The following PLCE1 variants were observed in gnomAD, a reference collection of about 807,000 sequenced individuals.
PLCE1 encodes phospholipase C epsilon 1.
In PLCE1, 119 loss-of-function variants were observed where a neutral mutation model predicts 242.8. The observed-to-expected ratio is 0.49, with a 90% CI of 0.42 to 0.57. PLCE1 has a LOEUF of 0.57. Ranked by LOEUF, PLCE1 falls within the 20% of genes least tolerant of loss-of-function variation. The pLI, the probability that PLCE1 is intolerant of heterozygous loss-of-function variation, is 0.00. For missense variants in PLCE1, 2,441 were observed against 2,788.8 expected (o/e 0.88, Z 2.81); for synonymous variants, 945 against 1,017.4 (o/e 0.93, Z 1.35).
intron 3 of PLCE1, among the ~76,000 whole-genome samples, chr10:94,143,939 A>C (rs2047042606): frequency 6.6e-6 from 1 of 152,236 alleles, no homozygotes; most frequent in South Asian, 2.1e-4. Context: ...CAGTCACCAG[A>C]AACACCCTGT....
chr10:94,087,714 A>T (rs974108602), intron 2 of PLCE1, among the ~76,000 whole-genome samples: 1 of 152,152 alleles, frequency 6.6e-6, no homozygotes, highest in East Asian at 1.9e-4. Context: ...AAGTGTTGGG[A>T]TTACAGGCAT....
intron 4 of PLCE1, among the ~76,000 whole-genome samples, chr10:94,206,557 TG>T (rs1174017628): frequency 6.6e-6 from 1 of 152,256 alleles, no homozygotes; most frequent in Non-Finnish European, 1.5e-5. Context: ...CTTATTCTAC[TG>T]GGTACAGCTT....
intron 2 of PLCE1, among the ~76,000 whole-genome samples, chr10:94,126,221 C>T (rs2046432321): frequency 6.6e-6 from 1 of 152,164 alleles, no homozygotes; most frequent in African/African-American, 2.4e-5. Context: ...TTCACAGCAC[C>T]TACCATAATG....
chr10:94,049,084 C>CT, intron 2 of PLCE1, among the ~76,000 whole-genome samples: 2 of 152,026 alleles, frequency 1.3e-5, no homozygotes, highest in Admixed American at 1.3e-4. Flanking sequence ...TTAATATTAT[C>CT]TTTTTTTGTT....
chr10:94,212,606 G>A (rs538580994), intron 4 of PLCE1, among the ~76,000 whole-genome samples: 1 of 152,054 alleles, frequency 6.6e-6, no homozygotes, highest in African/African-American at 2.4e-5. Context: ...GGTCAGTCTG[G>A]TCTCAAACTC....
At position 94,072,279 on chromosome 10, in the gene PLCE1, G is replaced by GT. The variant is rs201205609; in HGVS notation, c.1206+40035dup. Reference sequence around the variant, plus strand: ...TTCTTTCTTTCTTTCTTTCTTTTTTGTTTTTTTTGTTTTTTTAGATGGAGT... The same window carrying GT: ...TTCTTTCTTTCTTTCTTTCTTTTTTGTTTTTTTTTGTTTTTTTAGATGGAGT... On this transcript the variant is annotated intron_variant, in intron 2 of 32. Coordinates refer to ENST00000371380, the MANE Select transcript of PLCE1 (RefSeq NM_016341.4). Among the ~76,000 whole-genome samples the GT allele has an allele frequency of 6.2e-3, 936 of 150,372 alleles. 8 individuals carry two copies. The highest frequency in any genetic ancestry group is 0.017 in the African/African-American group (706 of 40,850).
intron 20 of PLCE1, among the ~76,000 whole-genome samples, chr10:94,281,820 A>T (rs1179320203): frequency 2.6e-5 from 4 of 152,070 alleles, no homozygotes; most frequent in African/African-American, 9.6e-5. Context: ...TTATGCTGTG[A>T]CTTGTTGAAG....
Position 93,995,561 on chromosome 10 carries a change from T to A in PLCE1, c.-365+1303T>A, listed in dbSNP as rs112810823. ...TGCACCTAGAAGACTCTAGAGATAA[T>A]TGTGGGCCAGTATTAAATCTTAAGA... On this transcript the variant is annotated intron_variant, in intron 1 of 32. Transcript: ENST00000371380. Among the ~76,000 whole-genome samples, 139 of 152,346 alleles carry A rather than the reference T, an allele frequency of 9.1e-4. 1 individual carries two copies. The highest frequency in any genetic ancestry group is 3.4e-3 in the Middle Eastern group (1 of 294).
At chr10:94,086,595 G>A (rs918964176) in intron 2 of PLCE1, among the ~76,000 whole-genome samples, 5 of 152,202 alleles carry the variant, frequency 3.3e-5, no homozygotes, top group African/African-American at 1.2e-4. Flanking sequence ...TTGGAGGATA[G>A]GCCCATATGT....
At chr10:94,312,518 T>C (rs1032894945) in intron 27 of PLCE1, among the ~76,000 whole-genome samples, 1 of 152,242 alleles carries the variant, frequency 6.6e-6, no homozygotes, top group African/African-American at 2.4e-5. Flanking sequence ...TAAATTACAC[T>C]AGGTCCTTCA....
Position 94,198,546 on chromosome 10 carries a change from A to C in PLCE1, c.1809+27050A>C, listed in dbSNP as rs148171581. On this transcript the variant is annotated intron_variant, in intron 4 of 32. Transcript: ENST00000371380. ...ATGACCACCACGATCAGGATAGAGA[A>C]TATCATTACAAAGGGATGATACTGA... is the stretch of plus-strand genomic sequence containing the variant. Among the ~76,000 whole-genome samples the C allele has an allele frequency of 8.9e-4, 136 of 152,356 alleles. 1 individual carries two copies. Among genetic ancestry groups the C allele is most frequent in the African/African-American group, 3.0e-3 (124 of 41,590 alleles).
chr10:94,025,264 C>A (rs536891963), intron 1 of PLCE1, among the ~76,000 whole-genome samples: 87 of 152,184 alleles, frequency 5.7e-4, no homozygotes, highest in Non-Finnish European at 7.4e-4. Flanking sequence ...AACTTAGTCC[C>A]ATGGCCACAT....
At chr10:94,122,299 CTTCTGTAGGCCTAA>C (rs2046322656) in intron 2 of PLCE1, among the ~76,000 whole-genome samples, 1 of 152,164 alleles carries the variant, frequency 6.6e-6, no homozygotes, top group African/African-American at 2.4e-5. Context: ...CATTAAGTCC[CTTCTGTAGGCCTAA>C]TTCATGGCCT....
chr10:94,315,235 C>T, intron 28 of PLCE1: 2 of 339,152 alleles, frequency 5.9e-6, no homozygotes, highest in Non-Finnish European at 1.2e-5. Context: ...AGAACCTTCA[C>T]TCCCACTGCC....
intron 11 of PLCE1, among the ~76,000 whole-genome samples, chr10:94,257,089 A>G (rs1390019376): frequency 6.6e-6 from 1 of 152,172 alleles, no homozygotes; most frequent in East Asian, 1.9e-4. Context: ...CCTACAACCT[A>G]TGACTACAAA....
intron 3 of PLCE1, among the ~76,000 whole-genome samples, chr10:94,159,518 T>C (rs958122501): frequency 6.6e-6 from 1 of 152,168 alleles, no homozygotes; most frequent in Non-Finnish European, 1.5e-5. Flanking sequence ...AATGTGCAAT[T>C]GAGAATCTAA....
intron 2 of PLCE1, among the ~76,000 whole-genome samples, chr10:94,071,495 G>GTTTTTTTTTTGTTTGTTTGTT (rs2044352761): frequency 1.2e-5 from 1 of 83,318 alleles, no homozygotes; most frequent in African/African-American, 5.4e-5. Flanking sequence ...TTTGGTTTTC[G>GTTTTTTTTTTGTTTGTTTGTT]TTTTTTTTTT....
chr10:94,185,752 A>G (rs1184167338), intron 4 of PLCE1, among the ~76,000 whole-genome samples: 1 of 152,210 alleles, frequency 6.6e-6, no homozygotes, highest in Non-Finnish European at 1.5e-5. Flanking sequence ...TGTGCATGCC[A>G]TGAGATTTGA....
At chr10:94,193,426 T>G (rs759152792) in intron 4 of PLCE1, among the ~76,000 whole-genome samples, 1 of 152,200 alleles carries the variant, frequency 6.6e-6, no homozygotes, top group Non-Finnish European at 1.5e-5. Context: ...GGATGACATG[T>G]AGAAGTTTGT....
Sources: gnomAD v4.1 joint callset for allele counts (sites outside exome capture counted in the v4.1 genomes callset) on GRCh38, gnomAD v4.1.1 for gene constraint, MANE v1.5 for transcripts, NCBI Gene and HGNC (gene_info 2026-07-23, HGNC 2026-07-21) for gene names.